DISC1: variants seen among roughly 807,000 people sequenced by gnomAD.
DISC1 encodes DISC1 scaffold protein.
A neutral mutation model predicts 84.5 loss-of-function variants in DISC1; 57 were observed. That is an observed-to-expected ratio of 0.67 (90% CI 0.55 to 0.84). The LOEUF (loss-of-function observed/expected upper bound fraction) is 0.84, where lower values mean the gene tolerates loss of function less well. DISC1 is among the 40% of genes least tolerant of loss of function. DISC1 has a pLI of 0.00. For synonymous variants in DISC1, 411 were observed against 415.2 expected, an observed-to-expected ratio of 0.99 and a Z score of 0.12; for missense variants, 1,000 against 1,057.8, an observed-to-expected ratio of 0.95 and a Z score of 0.76.
At chr1:231,991,194 G>A (rs1665153977) in intron 10 of DISC1, among the ~76,000 whole-genome samples, 1 of 152,182 alleles carries the variant, frequency 6.6e-6, no homozygotes, top group Non-Finnish European at 1.5e-5. Context: ...AAATATTTTG[G>A]GTGAGAGCTT....
intron 1 of DISC1, among the ~76,000 whole-genome samples, chr1:231,673,733 T>C (rs945142394): frequency 6.6e-6 from 1 of 152,256 alleles, no homozygotes; most frequent in South Asian, 2.1e-4. Context: ...AAGGCAGTGA[T>C]GTTTGGACAC....
intron 1 of DISC1, among the ~76,000 whole-genome samples, chr1:231,665,968 C>G (rs777695784): frequency 2.6e-5 from 4 of 152,162 alleles, no homozygotes; most frequent in Non-Finnish European, 5.9e-5. Flanking sequence ...GAAGGGCTCT[C>G]ACTTCCACTT....
At chr1:231,855,384 G>T in intron 9 of DISC1, 1 of 984,912 alleles carries the variant, frequency 1.0e-6, no homozygotes, top group African/African-American at 1.7e-5. Context: ...CCATAAATGA[G>T]CTCAAGTTAT....
At position 231,626,913 on chromosome 1, in the gene DISC1, G is replaced by T; in HGVS notation, c.46G>T (p.Gly16Cys). 2.7e-6 allele frequency: 4 copies of T among 1,503,752 alleles called. No homozygotes were observed. The highest frequency in any genetic ancestry group is 3.5e-6 in the Non-Finnish European group (4 of 1,134,498). 93.2% of individuals were successfully genotyped at this position (1,503,752 alleles called of 1,614,324 possible). ...PQGAPAAAGGGGVSHRAGSRD... is the reference protein window; with the variant it reads ...PQGAPAAAGGCGVSHRAGSRD... The stretch of plus-strand genomic sequence containing the variant: ...GGGCGCCCCAGCCGCCGCCGGCGGC[G>T]GCGGCGTGAGCCACCGCGCAGGTAG... Residue 16 changes from glycine (G) to cysteine (C), a missense_variant, in exon 1 of 13, where the codon GGC becomes TGC. This residue lies in a region of DISC1 where 292 missense variants were observed against 280.2 expected (regional missense o/e 1.04). Coordinates refer to ENST00000439617, the MANE Select transcript of DISC1 (RefSeq NM_018662.3).
At chr1:231,723,828 G>A (rs2070228595) in intron 3 of DISC1, 2 of 985,176 alleles carry the variant, frequency 2.0e-6, no homozygotes, top group Non-Finnish European at 1.2e-6. Context: ...TTTTTTGTTG[G>A]TTGTGGGGTG....
At chr1:231,951,461 A>C (rs1268349182) in intron 9 of DISC1, among the ~76,000 whole-genome samples, 1 of 152,208 alleles carries the variant, frequency 6.6e-6, no homozygotes, top group African/African-American at 2.4e-5. Flanking sequence ...TTTATGTGCA[A>C]CTGCTGTTTT....
intron 8 of DISC1, among the ~76,000 whole-genome samples, chr1:231,803,590 C>CTCT (rs1376282571): frequency 1.3e-5 from 2 of 152,126 alleles, no homozygotes; most frequent in African/African-American, 4.8e-5. Context: ...GCCCTAGGAC[C>CTCT]TCTTGCAACA....
chr1:231,997,575 G>A (rs1378114798), intron 10 of DISC1, among the ~76,000 whole-genome samples: 1 of 152,122 alleles, frequency 6.6e-6, no homozygotes, highest in Admixed American at 6.5e-5. Context: ...AACCCCTGCT[G>A]GCAGTGAGGC....
chr1:231,705,783 A>G (rs1281222100), intron 3 of DISC1, among the ~76,000 whole-genome samples: 1 of 152,032 alleles, frequency 6.6e-6, no homozygotes, highest in Non-Finnish European at 1.5e-5. Flanking sequence ...GTTTTTTTTC[A>G]TAGTTTTTAC....
intron 9 of DISC1, among the ~76,000 whole-genome samples, chr1:231,939,061 G>A (rs147185781): frequency 4.6e-5 from 7 of 152,200 alleles, no homozygotes; most frequent in Non-Finnish European, 5.9e-5. Flanking sequence ...ACACGTAATC[G>A]TCCTTTATGC....
chr1:231,956,723 G>T (rs1659575992), intron 9 of DISC1, among the ~76,000 whole-genome samples: 1 of 152,166 alleles, frequency 6.6e-6, no homozygotes, highest in Admixed American at 6.5e-5. Flanking sequence ...GGGGGGACTT[G>T]TCTCCATCCT....
chr1:231,649,404 G>A (rs2060424484), intron 1 of DISC1, among the ~76,000 whole-genome samples: 2 of 152,322 alleles, frequency 1.3e-5, no homozygotes, highest in African/African-American at 2.4e-5. Flanking sequence ...TAGTTTGATT[G>A]CACTGTGGTC....
At chr1:231,692,002 C>T (rs1262236798) in intron 1 of DISC1, among the ~76,000 whole-genome samples, 1 of 152,182 alleles carries the variant, frequency 6.6e-6, no homozygotes, top group Admixed American at 6.5e-5. Context: ...TTCTGCCTTC[C>T]TGTCATTTTA....
rs1336842689 is a variant in DISC1, at chr1:231,738,056, C to T, written c.1118-11870C>T. Among the ~76,000 whole-genome samples the T allele has an allele frequency of 3.3e-5, 5 of 151,796 alleles. No individual in the cohort carries two copies. The East Asian group carries it at 9.8e-4, about 30-fold the overall frequency. ...GTAGAGATGGGGTTTTGCCATGTTCCCAGGCTGGTCTTGAACTCTTGAGCT... is the reference window on the plus strand; with the variant it reads ...GTAGAGATGGGGTTTTGCCATGTTCTCAGGCTGGTCTTGAACTCTTGAGCT... On this transcript the variant is annotated intron_variant, in intron 3 of 12. Transcript: ENST00000439617.
At chr1:231,889,372 A>C (rs1395690001) in intron 9 of DISC1, among the ~76,000 whole-genome samples, 2 of 152,186 alleles carry the variant, frequency 1.3e-5, no homozygotes, top group Non-Finnish European at 2.9e-5. Context: ...TCAAATTGAG[A>C]GGAAGATCGA....
chr1:231,978,153 T>C (rs569290663), intron 10 of DISC1, among the ~76,000 whole-genome samples: 1 of 152,292 alleles, frequency 6.6e-6, no homozygotes, highest in African/African-American at 2.4e-5. Flanking sequence ...AATTTGATTT[T>C]ATGGCCAAGA....
rs552849385 is a variant in DISC1, at chr1:231,773,251, A to C, written c.1634+2181A>C. On this transcript the variant is annotated intron_variant, in intron 6 of 12. Coordinates refer to ENST00000439617, the MANE Select transcript of DISC1 (RefSeq NM_018662.3). ...ACAGTGTGGTTGGCTGATAGAACTGAGCCCAGGACTTGGTCTGGTTTTCTA... is the reference window on the plus strand; with the variant it reads ...ACAGTGTGGTTGGCTGATAGAACTGCGCCCAGGACTTGGTCTGGTTTTCTA... Among the ~76,000 whole-genome samples the C allele has an allele frequency of 4.6e-5, 7 of 152,284 alleles. No homozygotes were observed. In the South Asian group the frequency reaches 1.4e-3, roughly 32 times the overall value.
intron 9 of DISC1, among the ~76,000 whole-genome samples, chr1:231,917,419 C>G (rs890092938): frequency 5.3e-5 from 8 of 152,240 alleles, no homozygotes; most frequent in African/African-American, 1.9e-4. Context: ...GCGAAGCGAT[C>G]ACTCTTATAT....
rs534392810 is a variant in DISC1, at chr1:231,750,304, A to T, written c.1268+228A>T. On this transcript the variant is annotated intron_variant, in intron 4 of 12. Coordinates refer to ENST00000439617, the MANE Select transcript of DISC1 (RefSeq NM_018662.3). Reference sequence around the variant, plus strand: ...TTTTCTGCCACTTGACAGAGAGAGAACCTTCTCAAGTGCAGCTGCATCCCA... The same window carrying T: ...TTTTCTGCCACTTGACAGAGAGAGATCCTTCTCAAGTGCAGCTGCATCCCA... 1.3e-4 allele frequency: 181 copies of T among 1,349,820 alleles called. No homozygotes were observed. In the South Asian group the frequency reaches 3.3e-3, roughly 24 times the overall value. The allele number at this position is 1,349,820 out of a possible 1,614,324, so 83.6% of individuals were successfully genotyped here.
Sources: gnomAD v4.1 joint callset for allele counts (sites outside exome capture counted in the v4.1 genomes callset) on GRCh38, gnomAD v4.1.1 for gene constraint, gnomAD v4.1.1 regional missense constraint, MANE v1.5 for transcripts, NCBI Gene and HGNC (gene_info 2026-07-23, HGNC 2026-07-21) for gene names.